The following VKORC1L1 variants were observed in gnomAD, a reference collection of about 807,000 sequenced individuals.
VKORC1L1 encodes the protein vitamin K epoxide reductase complex subunit 1L1, also known as vitamin K epoxide reductase complex subunit 1-like protein 1.
In VKORC1L1, 2 loss-of-function variants were observed where a neutral mutation model predicts 18.9. The observed-to-expected ratio is 0.11, with a 90% CI of 0.04 to 0.33. The LOEUF is 0.33. VKORC1L1 is among the 10% of genes least tolerant of loss of function. The pLI, the probability that VKORC1L1 is intolerant of heterozygous loss-of-function variation, is 1.00. For synonymous variants in VKORC1L1, 96 were observed against 100.0 expected (o/e 0.96, Z 0.24); for missense variants, 123 against 224.1 (o/e 0.55, Z 2.88).
chr7:65,894,178 C>T (rs1486985441), intron 1 of VKORC1L1, among the ~76,000 whole-genome samples: 1 of 151,978 alleles, frequency 6.6e-6, no homozygotes. Flanking sequence ...TGGTCTCGAA[C>T]TCCTGACCTC....
intron 1 of VKORC1L1, among the ~76,000 whole-genome samples, chr7:65,936,764 C>T (rs941357522): frequency 6.6e-6 from 1 of 152,186 alleles, no homozygotes; most frequent in Non-Finnish European, 1.5e-5. Context: ...CTCCCAGGCA[C>T]CCCTTTCGCT....
intron 1 of VKORC1L1, among the ~76,000 whole-genome samples, chr7:65,901,522 C>G (rs1166031238): frequency 6.6e-6 from 1 of 152,218 alleles, no homozygotes. Flanking sequence ...CAAAGCAAGA[C>G]TGTGGTCACT....
At chr7:65,934,658 T>C (rs1789911807) in intron 1 of VKORC1L1, among the ~76,000 whole-genome samples, 1 of 152,186 alleles carries the variant, frequency 6.6e-6, no homozygotes, top group Admixed American at 6.5e-5. Context: ...GCTTATTTCA[T>C]CCAGCATAAT....
intron 1 of VKORC1L1, among the ~76,000 whole-genome samples, chr7:65,938,838 G>A (rs1583861295): frequency 1.3e-5 from 2 of 152,268 alleles, no homozygotes; most frequent in Middle Eastern, 6.8e-3. Context: ...GAGCCCTTCT[G>A]AACCATGGGG....
At position 65,873,486 on chromosome 7, in the gene VKORC1L1, G is replaced by C; in HGVS notation, c.115G>C (p.Glu39Gln). 1 of 1,596,494 alleles carries C rather than the reference G, an allele frequency of 6.3e-7. No individual in the cohort carries two copies. The highest frequency in any genetic ancestry group is 1.7e-5 in the Admixed American group (1 of 59,166). ...CATCTACGCCTACCACGTGGAGCGGGAGAAGGAGCGGGACCCCGAGCACCG... is the reference window on the plus strand; with the variant it reads ...CATCTACGCCTACCACGTGGAGCGGCAGAAGGAGCGGGACCCCGAGCACCG... ...LSIYAYHVER[E>Q]KERDPEHRAL... The change falls in exon 1 of 3, where the codon GAG becomes CAG. Residue 39 changes from glutamate to glutamine, a missense_variant. This residue lies in a region of VKORC1L1 where 60 missense variants were observed against 76.9 expected (regional missense o/e 0.78). Coordinates refer to ENST00000360768, the MANE Select transcript of VKORC1L1 (RefSeq NM_173517.6).
At chr7:65,940,439 AGGAAAGAAACTATTAGAGGATTGT>A (rs1433878373) in intron 1 of VKORC1L1, among the ~76,000 whole-genome samples, 2 of 152,350 alleles carry the variant, frequency 1.3e-5, no homozygotes, top group African/African-American at 4.8e-5. Flanking sequence ...TATTTTCTCA[AGGAAAGAAACTATTAGAGGATTGT>A]GCCACCAAGT....
At chr7:65,944,261 TA>T (rs1790082418) in intron 1 of VKORC1L1, among the ~76,000 whole-genome samples, 1 of 151,614 alleles carries the variant, frequency 6.6e-6, no homozygotes, top group Admixed American at 6.6e-5. Flanking sequence ...CCAGCTACTT[TA>T]GGAGGCTGAC....
chr7:65,920,272 G>A (rs1583849150), intron 1 of VKORC1L1, among the ~76,000 whole-genome samples: 1 of 152,032 alleles, frequency 6.6e-6, no homozygotes, highest in African/African-American at 2.4e-5. Flanking sequence ...TCCATGAGAG[G>A]GTAGACACCA....
chr7:65,925,948 T>G (rs1789755815), intron 1 of VKORC1L1, among the ~76,000 whole-genome samples: 1 of 152,050 alleles, frequency 6.6e-6, no homozygotes, highest in African/African-American at 2.4e-5. Flanking sequence ...GAAATGATTT[T>G]TCTGAGAGAA....
intron 1 of VKORC1L1, among the ~76,000 whole-genome samples, chr7:65,938,335 GT>G (rs2115691881): frequency 6.6e-6 from 1 of 152,266 alleles, no homozygotes; most frequent in East Asian, 1.9e-4. Flanking sequence ...AATTTAACAG[GT>G]TTGGGAGAGT....
chr7:65,870,265 GAAAAA>G (rs58681634), upstream of VKORC1L1, among the ~76,000 whole-genome samples: 5 of 110,430 alleles, frequency 4.5e-5, no homozygotes, highest in Non-Finnish European at 9.6e-5. Flanking sequence ...ACTAAGTACA[GAAAAA>G]AAAAAAAAAA....
intron 1 of VKORC1L1, among the ~76,000 whole-genome samples, chr7:65,873,863 G>C (rs982703087): frequency 6.6e-5 from 10 of 152,212 alleles, no homozygotes; most frequent in South Asian, 4.1e-4. Context: ...GGGCGGGCTG[G>C]GGCCCGGCTG....
upstream of VKORC1L1, among the ~76,000 whole-genome samples, chr7:65,871,105 A>G (rs1788720393): frequency 6.6e-6 from 1 of 152,176 alleles, no homozygotes. Context: ...ACTGTGGTAG[A>G]TAGCTTCCTC....
intron 1 of VKORC1L1, among the ~76,000 whole-genome samples, chr7:65,900,205 C>T (rs188338745): frequency 5.4e-4 from 81 of 150,304 alleles, no homozygotes; most frequent in African/African-American, 1.8e-3. Context: ...CTGGCTAACA[C>T]GGTGAAACCT....
intron 1 of VKORC1L1, among the ~76,000 whole-genome samples, chr7:65,887,245 AAC>A (rs371108236): frequency 3.8e-4 from 58 of 152,246 alleles, no homozygotes; most frequent in Non-Finnish European, 6.8e-4. Flanking sequence ...GTTAATTCAT[AAC>A]AGTTTTCTTA....
intron 1 of VKORC1L1, among the ~76,000 whole-genome samples, chr7:65,894,226 A>G (rs1789154863): frequency 6.6e-6 from 1 of 151,860 alleles, no homozygotes. Flanking sequence ...AAATGTTAGG[A>G]TTACAGGCAT....
intron 1 of VKORC1L1, among the ~76,000 whole-genome samples, chr7:65,877,903 C>T (rs1163453939): frequency 6.6e-6 from 1 of 152,024 alleles, no homozygotes; most frequent in Non-Finnish European, 1.5e-5. Flanking sequence ...CCCTGCAGAA[C>T]CTGAATGTGA....
chr7:65,880,398 C>T (rs1050133724), intron 1 of VKORC1L1, among the ~76,000 whole-genome samples: 14 of 152,092 alleles, frequency 9.2e-5, no homozygotes, highest in East Asian at 3.9e-4. Context: ...GGTGTGAGGA[C>T]GTGGTTTGTC....
intron 1 of VKORC1L1, among the ~76,000 whole-genome samples, chr7:65,948,149 C>G (rs2115734819): frequency 6.6e-6 from 1 of 152,218 alleles, no homozygotes; most frequent in South Asian, 2.1e-4. Context: ...GGATGTTTGG[C>G]AATGGCTGTG....
Sources: gnomAD v4.1 joint callset for allele counts (sites outside exome capture counted in the v4.1 genomes callset) on GRCh38, gnomAD v4.1.1 for gene constraint, gnomAD v4.1.1 regional missense constraint, MANE v1.5 for transcripts, NCBI Gene and HGNC (gene_info 2026-07-23, HGNC 2026-07-21) for gene names.